The following RXFP2 variants were observed in gnomAD, a reference collection of about 807,000 sequenced individuals.
RXFP2 encodes relaxin receptor 2.
A neutral mutation model predicts 88.6 loss-of-function variants in RXFP2; 68 were observed. The observed-to-expected ratio is 0.77, with a 90% CI of 0.63 to 0.94. RXFP2 has a LOEUF of 0.94. Ranked by LOEUF, RXFP2 falls within the 40% of genes least tolerant of loss-of-function variation. RXFP2 has a pLI of 0.00. For synonymous variants in RXFP2, 329 were observed against 306.8 expected, an observed-to-expected ratio of 1.07 and a Z score of -0.76; for missense variants, 791 against 893.9, an observed-to-expected ratio of 0.88 and a Z score of 1.47.
chr13:31,782,539 C>T, intron 10 of RXFP2, 137 bp from the exon 11 acceptor site: 1 of 709,750 alleles, frequency 1.4e-6, no homozygotes, highest in Non-Finnish European at 2.6e-6. Flanking sequence ...GCCTTAGTTT[C>T]CACTCCAAAA....
intron 7 of RXFP2, among the ~76,000 whole-genome samples, chr13:31,776,287 A>C (rs1593461589): frequency 4.8e-5 from 5 of 104,176 alleles, no homozygotes; most frequent in Admixed American, 4.4e-4. Flanking sequence ...ACAGGGTGTC[A>C]CTCTGTCACA....
At chr13:31,791,308 A>C (rs1195573978) in intron 14 of RXFP2, among the ~76,000 whole-genome samples, 1 of 152,170 alleles carries the variant, frequency 6.6e-6, no homozygotes, top group Non-Finnish European at 1.5e-5. Context: ...CTAGTGTCAG[A>C]GGTCCTCCCT....
At chr13:31,798,095 C>A (rs1170125121) in intron 17 of RXFP2, among the ~76,000 whole-genome samples, 1 of 152,174 alleles carries the variant, frequency 6.6e-6, no homozygotes, top group Non-Finnish European at 1.5e-5. Context: ...CAGCCGATAG[C>A]AGATCTACTT....
At chr13:31,785,076 C>T (rs1054665962) in intron 11 of RXFP2, among the ~76,000 whole-genome samples, 3 of 152,158 alleles carry the variant, frequency 2.0e-5, no homozygotes, top group Non-Finnish European at 4.4e-5. Context: ...AGTTCTCAAA[C>T]ATTAATGGGC....
Position 31,789,170 on chromosome 13 carries a change from A to G in RXFP2, c.1122A>G (p.Gln374=), listed in dbSNP as rs1467560954. The part of the protein sequence containing the change: ...EIPNINTRMF[Q]PMKNLSHIYF... ...CAAATATAAACACACGAATGTTTCA[A>G]CCCATGAAGAATCTTTCTCACATGT... is the stretch of plus-strand genomic sequence containing the variant. Residue 374 remains glutamine (Q), a synonymous_variant, in exon 14 of 18, where the codon CAA becomes CAG. Coordinates refer to ENST00000298386, the MANE Select transcript of RXFP2 (RefSeq NM_130806.5). 3.7e-6 allele frequency: 6 copies of G among 1,607,996 alleles called. No individual in the cohort carries two copies. Among genetic ancestry groups the G allele is most frequent in the Non-Finnish European group, 4.3e-6 (5 of 1,175,522 alleles).
Position 31,802,291 on chromosome 13 carries a change from TA to T in RXFP2, c.2161del (p.Ser721ValfsTer9), listed in dbSNP as rs761227490. 384 of 1,544,292 alleles carry T rather than the reference TA, an allele frequency of 2.5e-4. No individual in the cohort carries two copies. The highest frequency in any genetic ancestry group is 3.0e-4 in the South Asian group (26 of 87,558). ...ATCAGAGGAAATCAATTTTCAAAATTAAAAAAAAAAGTTTATCTACATCCAT... is the reference window on the plus strand; with the variant it reads ...ATCAGAGGAAATCAATTTTCAAAATTAAAAAAAAAGTTTATCTACATCCAT... ...KHQRKSIFKI[K>X]KKSLSTSIVW... On this transcript the variant is annotated frameshift_variant, in exon 18 of 18. Coordinates refer to ENST00000298386, the MANE Select transcript of RXFP2 (RefSeq NM_130806.5). LOFTEE classifies it high-confidence loss of function.
intron 16 of RXFP2, 26 bp downstream of exon 16, chr13:31,793,114 G>A: frequency 1.3e-6 from 2 of 1,577,544 alleles, no homozygotes; most frequent in Non-Finnish European, 1.7e-6. Context: ...TCATTTCCTG[G>A]AAAAACATAA....
At chr13:31,747,605 A>C (rs1461101543) in intron 1 of RXFP2, among the ~76,000 whole-genome samples, 1 of 152,224 alleles carries the variant, frequency 6.6e-6, no homozygotes, top group Non-Finnish European at 1.5e-5. Context: ...GAAAATGTTA[A>C]TTAAGTTCAG....
At chr13:31,769,631 C>T (rs193222732) in intron 5 of RXFP2, among the ~76,000 whole-genome samples, 142 of 152,322 alleles carry the variant, frequency 9.3e-4, no homozygotes, top group African/African-American at 3.3e-3. Context: ...TTTCCTTCTG[C>T]ACTCTATGTG....
chr13:31,748,512 C>T (rs1007224476), intron 1 of RXFP2, among the ~76,000 whole-genome samples: 3 of 152,240 alleles, frequency 2.0e-5, no homozygotes, highest in South Asian at 4.1e-4. Context: ...AGATGTTTTT[C>T]GTCATTCAGA....
intron 1 of RXFP2, among the ~76,000 whole-genome samples, chr13:31,741,878 G>C (rs1483204978): frequency 1.3e-5 from 2 of 152,020 alleles, no homozygotes; most frequent in African/African-American, 4.8e-5. Flanking sequence ...AAAGCATGAA[G>C]TATTGAGACT....
chr13:31,741,755 T>C (rs1871231304), intron 1 of RXFP2, among the ~76,000 whole-genome samples: 1 of 152,208 alleles, frequency 6.6e-6, no homozygotes, highest in South Asian at 2.1e-4. Context: ...CATTAATTTA[T>C]TCACTGTGTA....
intron 1 of RXFP2, among the ~76,000 whole-genome samples, chr13:31,750,200 A>G (rs982223256): frequency 1.3e-5 from 2 of 152,174 alleles, no homozygotes; most frequent in African/African-American, 2.4e-5. Context: ...TTTCTCACAC[A>G]TGGTTCAAAA....
chr13:31,800,682 G>A (rs1364825757), intron 17 of RXFP2, among the ~76,000 whole-genome samples: 1 of 152,170 alleles, frequency 6.6e-6, no homozygotes, highest in Non-Finnish European at 1.5e-5. Flanking sequence ...AACTTACGTG[G>A]CCTATTTGCC....
Position 31,797,283 on chromosome 13 carries a change from C to T in RXFP2, c.1869C>T (p.Thr623=). The change falls in exon 17 of 18, where the codon ACC becomes ACT. Residue 623 remains threonine, a synonymous_variant. Transcript: ENST00000298386. ...FCSIQKTALQ[T]TEVRNCFGRE... is the part of the protein sequence containing the mutation. The stretch of plus-strand genomic sequence containing the variant: ...CCATTCAAAAAACCGCCTTGCAGAC[C>T]ACAGAAGTAAGGAATTGTTTTGGAA... 6.2e-7 allele frequency: 1 copy of T among 1,613,904 alleles called. No homozygotes were observed. Among genetic ancestry groups the T allele is most frequent in the Non-Finnish European group, 8.5e-7 (1 of 1,179,856 alleles).
At chr13:31,748,739 C>T (rs894303086) in intron 1 of RXFP2, among the ~76,000 whole-genome samples, 2 of 152,188 alleles carry the variant, frequency 1.3e-5, no homozygotes, top group Non-Finnish European at 2.9e-5. Context: ...GTAATCCCAG[C>T]ACTTTGGGAG....
chr13:31,758,239 T>C lies in RXFP2; in HGVS notation c.95-19T>C, dbSNP rs771470646. The C allele has an allele frequency of 6.2e-7, 1 of 1,614,102 alleles. No individual in the cohort carries two copies. Among genetic ancestry groups the C allele is most frequent in the Admixed American group, 1.7e-5 (1 of 60,032 alleles). On this transcript the variant is annotated intron_variant, in intron 1 of 17. Coordinates refer to ENST00000298386, the MANE Select transcript of RXFP2 (RefSeq NM_130806.5). ...CTTGGCCATGGTAACACTTTGTTTT[T>C]GCCCCTTCTTTCATGTAGATTTTGC...
chr13:31,789,565 G>A (rs1373557347), intron 14 of RXFP2, among the ~76,000 whole-genome samples: 1 of 152,238 alleles, frequency 6.6e-6, no homozygotes, highest in Non-Finnish European at 1.5e-5. Context: ...CCCTTAGGAA[G>A]AAAGGTGCTA....
chr13:31,753,926 G>A (rs981702424), intron 1 of RXFP2, among the ~76,000 whole-genome samples: 1 of 151,964 alleles, frequency 6.6e-6, no homozygotes, highest in African/African-American at 2.4e-5. Flanking sequence ...GAAAAGGGTG[G>A]GGAATACATT....
Sources: gnomAD v4.1 joint callset for allele counts (sites outside exome capture counted in the v4.1 genomes callset) on GRCh38, gnomAD v4.1.1 for gene constraint, MANE v1.5 for transcripts, NCBI Gene and HGNC (gene_info 2026-07-23, HGNC 2026-07-21) for gene names.